Variants in RPUSD4 observed in about 807,000 individuals in gnomAD.
RPUSD4 encodes the protein pseudouridylate synthase RPUSD4, mitochondrial.
A neutral mutation model predicts 35.4 loss-of-function variants in RPUSD4; 37 were observed. The observed-to-expected ratio is 1.04, with a 90% confidence interval of 0.80 to 1.37. The LOEUF is 1.37. RPUSD4 is among the 40% of genes most tolerant of loss of function. RPUSD4 has a pLI of 0.00. For synonymous variants in RPUSD4, 210 were observed against 192.7 expected (o/e 1.09, Z -0.74); for missense variants, 507 against 484.9 (o/e 1.05, Z -0.43).
At chr11:126,207,306 T>G (rs1299594011) in intron 3 of RPUSD4, among the ~76,000 whole-genome samples, 1 of 152,216 alleles carries the variant, frequency 6.6e-6, no homozygotes, top group East Asian at 1.9e-4. Flanking sequence ...GCTACTGTCC[T>G]AAATTCCTCC....
rs769230514 is a variant in RPUSD4 at position 126,205,502 on chromosome 11, G to A, written c.762C>T (p.Leu254=). Residue 254 remains leucine, a synonymous_variant, in exon 5 of 7, where the codon CTC becomes CTT. Coordinates refer to ENST00000298317, the MANE Select transcript of RPUSD4 (RefSeq NM_032795.3). ...VTQYQVLSST[L]SSALVELQPI... The stretch of plus-strand genomic sequence containing the variant: ...GCTGGAGCTCCACGAGGGCGGAGGA[G>A]AGAGTGCTGCTGAGCACCTGGTACT... 14 of 1,614,178 alleles carry A rather than the reference G, an allele frequency of 8.7e-6. No individual in the cohort carries two copies. The highest frequency in any genetic ancestry group is 2.2e-5 in the East Asian group (1 of 44,904).
intron 5 of RPUSD4, among the ~76,000 whole-genome samples, chr11:126,205,156 C>A (rs1273751964): frequency 6.6e-6 from 1 of 152,208 alleles, no homozygotes; most frequent in Non-Finnish European, 1.5e-5. Context: ...GTGAATAACG[C>A]TGCTATGAAT....
In RPUSD4 at chr11:126,203,650, G is replaced by A. The variant is rs1949738108; in HGVS notation, c.902C>T (p.Ser301Phe). Residue 301 changes from serine to phenylalanine, a missense_variant, in exon 7 of 7, where the codon TCT (serine) becomes TTT (phenylalanine). Ser to Phe is a radical substitution (Grantham distance 155). Coordinates refer to ENST00000298317, the MANE Select transcript of RPUSD4 (RefSeq NM_032795.3). ...DWNRLAPQKL[S>F]VGTLKKLGLE... ...CCCCAGCTTCTTCAGGGTGCCCACA[G>A]ACAGCTTCTATACAAAGAAAGGACA... The A allele has an allele frequency of 3.1e-6, 5 of 1,612,248 alleles. No individual in the cohort carries two copies. The African/African-American group carries it at 4.0e-5, about 13-fold the overall frequency.
chr11:126,203,323 A>C lies in RPUSD4; in HGVS notation c.*95T>G, dbSNP rs1949732600. 6.5e-7 allele frequency: 1 copy of C among 1,538,488 alleles called. No homozygotes were observed. Among genetic ancestry groups the C allele is most frequent in the East Asian group, 2.3e-5 (1 of 44,222 alleles). On this transcript the variant is annotated 3_prime_UTR_variant, in exon 7 of 7. Transcript: ENST00000298317. ...GAGAAGTTAGCAGAGTCCTGTAAAC[A>C]AAGAACAGTTCAGGGGCCAACCTGC...
At chr11:126,210,470 C>T in intron 2 of RPUSD4, among the ~76,000 whole-genome samples, 1 of 151,598 alleles carries the variant, frequency 6.6e-6, no homozygotes, top group African/African-American at 2.4e-5. Flanking sequence ...TGAAGGTCCA[C>T]TAAATTCCAG....
chr11:126,204,334 A>AAG lies in RPUSD4; in HGVS notation c.797-8_797-7dup, dbSNP rs762148400. 5.0e-5 allele frequency: 79 copies of AAG among 1,569,890 alleles called. No individual in the cohort carries two copies. The highest frequency in any genetic ancestry group is 1.7e-4 in the Middle Eastern group (1 of 5,884). ...TCGAAGCTGATGTTTTATTCCTTAA[A>AAG]AGAGAGAGAGAGAGAAAGAGAGAAA... On this transcript the variant is annotated splice_region_variant and splice_polypyrimidine_tract_variant and intron_variant, in intron 5 of 6. Coordinates refer to ENST00000298317, the MANE Select transcript of RPUSD4 (RefSeq NM_032795.3).
Position 126,203,317 on chromosome 11 carries a change from G to C in RPUSD4, c.*101C>G. The C allele has an allele frequency of 6.6e-7, 1 of 1,523,680 alleles. No homozygotes were observed. The allele number at this position is 1,523,680 out of a possible 1,614,324, so 94.4% of individuals were successfully genotyped here. A position where few individuals can be genotyped will look rare whatever the true frequency, so the allele number is the denominator to read the frequency against. On this transcript the variant is annotated 3_prime_UTR_variant, in exon 7 of 7. Transcript: ENST00000298317. ...CCAAGTGAGAAGTTAGCAGAGTCCT[G>C]TAAACAAAGAACAGTTCAGGGGCCA...
At chr11:126,203,789 G>C in intron 6 of RPUSD4, 132 bp from the exon 7 acceptor site, 1 of 1,156,928 alleles carries the variant, frequency 8.6e-7, no homozygotes, top group Non-Finnish European at 1.2e-6. Context: ...TGGAGAGTCT[G>C]CTTCAGTGGC....
At chr11:126,210,520 T>TATACAC (rs1555047310) in intron 2 of RPUSD4, among the ~76,000 whole-genome samples, 1 of 60,254 alleles carries the variant, frequency 1.7e-5, no homozygotes, top group Admixed American at 2.1e-4. Flanking sequence ...CCAACATACA[T>TATACAC]ACACACACAC....
At chr11:126,209,784 T>G in intron 2 of RPUSD4, 62 bp from the exon 3 acceptor site, 1 of 1,425,134 alleles carries the variant, frequency 7.0e-7, no homozygotes, top group Non-Finnish European at 9.7e-7. Context: ...AGAACTCTCC[T>G]TGGGAGAAAA....
chr11:126,205,697 T>C lies in RPUSD4; in HGVS notation c.642A>G (p.Gln214=), dbSNP rs200668482. ...IVEKEAQGQQ[Q]HHKMTLSPSY... Reference sequence around the variant, plus strand: ...GAGGCTGCTCGCTCACCTTGTGGTGTTGCTGCTGGCCTTGCGCCTCCTTCT... The same window carrying C: ...GAGGCTGCTCGCTCACCTTGTGGTGCTGCTGCTGGCCTTGCGCCTCCTTCT... The change falls in exon 4 of 7, where the codon CAA becomes CAG. Residue 214 remains glutamine (Q), a synonymous_variant. Transcript: ENST00000298317. The C allele has an allele frequency of 6.2e-7, 1 of 1,613,512 alleles. No homozygotes were observed. Among genetic ancestry groups the C allele is most frequent in the Non-Finnish European group, 8.5e-7 (1 of 1,179,528 alleles).
intron 3 of RPUSD4, chr11:126,206,690 A>G (rs1949777996): frequency 6.6e-6 from 1 of 152,210 alleles, no homozygotes; most frequent in Admixed American, 6.5e-5. Flanking sequence ...ATCTGTCTGT[A>G]AATTTATGCC....
intron 5 of RPUSD4, among the ~76,000 whole-genome samples, chr11:126,205,039 T>C (rs1483880526): frequency 2.0e-5 from 3 of 152,230 alleles, no homozygotes; most frequent in East Asian, 3.8e-4. Flanking sequence ...TCCCTTCCTT[T>C]AATTCTTTTA....
intron 2 of RPUSD4, among the ~76,000 whole-genome samples, 199 bp from the exon 3 acceptor site, chr11:126,209,921 C>T (rs746328134): frequency 6.6e-6 from 1 of 152,236 alleles, no homozygotes; most frequent in Non-Finnish European, 1.5e-5. Flanking sequence ...ACCTAGACTA[C>T]TCAGTCAGAA....
chr11:126,203,875 T>C (rs113475993), intron 6 of RPUSD4, among the ~76,000 whole-genome samples: 504 of 152,288 alleles, frequency 3.3e-3, no homozygotes, highest in Non-Finnish European at 5.3e-3. Flanking sequence ...CAGTGCTTTT[T>C]GGCCTAACAA....
At chr11:126,210,551 C>CATACACA (rs369874015) in intron 2 of RPUSD4, among the ~76,000 whole-genome samples, 2 of 145,464 alleles carry the variant, frequency 1.4e-5, no homozygotes, top group African/African-American at 2.5e-5. Flanking sequence ...ACACACACAC[C>CATACACA]CCCTTTTTTC....
At chr11:126,208,390 CTG>C (rs1402800521) in intron 3 of RPUSD4, among the ~76,000 whole-genome samples, 2 of 152,098 alleles carry the variant, frequency 1.3e-5, no homozygotes, top group Non-Finnish European at 2.9e-5. Flanking sequence ...GTACAAAACT[CTG>C]TGTGAAATAC....
chr11:126,210,520 T>TACACATACACAC (rs1555047311), intron 2 of RPUSD4, among the ~76,000 whole-genome samples: 5 of 60,254 alleles, frequency 8.3e-5, no homozygotes, highest in Non-Finnish European at 1.4e-4. Context: ...CCAACATACA[T>TACACATACACAC]ACACACACAC....
At chr11:126,209,325 G>A (rs1949813224) in intron 3 of RPUSD4, 196 bp downstream of exon 3, 1 of 558,532 alleles carries the variant, frequency 1.8e-6, no homozygotes, top group Non-Finnish European at 3.2e-6. Flanking sequence ...TAATTTTGAT[G>A]TATACCAGAA....
Sources: allele counts gnomAD v4.1 joint callset (sites outside exome capture counted in the v4.1 genomes callset), GRCh38; gene constraint gnomAD v4.1.1; transcripts MANE v1.5; gene names NCBI Gene and HGNC (gene_info 2026-07-23, HGNC 2026-07-21).